The following ATXN2 variants were observed in gnomAD, a reference collection of about 807,000 sequenced individuals.
The protein encoded by ATXN2 is ataxin-2.
A neutral mutation model predicts 138.6 loss-of-function variants in ATXN2; 37 were observed. That is an observed-to-expected ratio of 0.27 (90% confidence interval 0.21 to 0.35). The LOEUF (loss-of-function observed/expected upper bound fraction) is 0.35, where lower values mean the gene tolerates loss of function less well. Ranked by LOEUF, ATXN2 falls within the 10% of genes least tolerant of loss-of-function variation. The probability of loss-of-function intolerance (pLI) is 1.00; values close to 1 mark genes in which losing one functional copy is unlikely to be tolerated. For missense variants in ATXN2, 1,216 were observed against 1,480.3 expected (o/e 0.82, Z 2.93); for synonymous variants, 549 against 543.7 (o/e 1.01, Z -0.13).
At chr12:111,508,327 A>G (rs1409902895) in intron 14 of ATXN2, among the ~76,000 whole-genome samples, 1 of 151,638 alleles carries the variant, frequency 6.6e-6, no homozygotes, top group Admixed American at 6.6e-5. Context: ...ACATAAGAGG[A>G]GTTTAACTGT....
At chr12:111,586,488 C>T (rs1249508694) in intron 1 of ATXN2, among the ~76,000 whole-genome samples, 1 of 150,404 alleles carries the variant, frequency 6.6e-6, no homozygotes, top group East Asian at 2.0e-4. Flanking sequence ...CGGGTTCAAG[C>T]AATTCTCCTG....
intron 14 of ATXN2, among the ~76,000 whole-genome samples, chr12:111,501,295 T>C (rs1011330708): frequency 2.6e-5 from 4 of 152,172 alleles, no homozygotes; most frequent in Non-Finnish European, 5.9e-5. Context: ...CTGAAGATGA[T>C]TTAAGATGGC....
At chr12:111,518,562 C>T in intron 8 of ATXN2, 135 bp from the exon 9 acceptor site, 1 of 847,370 alleles carries the variant, frequency 1.2e-6, no homozygotes, top group Non-Finnish European at 1.7e-6. Flanking sequence ...GCCTCACTCC[C>T]AGATGCCCCT....
chr12:111,527,685 G>C (rs572415436), intron 5 of ATXN2, among the ~76,000 whole-genome samples: 2 of 152,310 alleles, frequency 1.3e-5, no homozygotes, highest in East Asian at 3.9e-4. Flanking sequence ...CCCCAGAGCA[G>C]CAGGACTCAG....
chr12:111,453,687 C>A lies in ATXN2; in HGVS notation c.3429G>T (p.Thr1143=). 6.2e-7 allele frequency: 1 copy of A among 1,604,154 alleles called. No homozygotes were observed. The highest frequency in any genetic ancestry group is 8.5e-7 in the Non-Finnish European group (1 of 1,174,644). Residue 1143 remains threonine (T), a synonymous_variant, in exon 24 of 25, where the codon ACG becomes ACT. Coordinates refer to ENST00000673436, the MANE Select transcript of ATXN2 (RefSeq NM_001372574.1). This position sits in a 1 kb window ranked among gnomAD's most constrained non-coding sequence, Gnocchi z 5.4. ...VSTTAHFPYM[T]HPSVQAHHQQ... ...ACACACACGCCTCACCTGAAGGGTG[C>A]GTCATATAGGGGAAATGCGCTGTTG...
intron 1 of ATXN2, among the ~76,000 whole-genome samples, chr12:111,580,308 C>T (rs1404810602): frequency 6.6e-6 from 1 of 151,820 alleles, no homozygotes; most frequent in East Asian, 1.9e-4. Flanking sequence ...GAGCAAGATC[C>T]TATCTCCGAA....
intron 1 of ATXN2, among the ~76,000 whole-genome samples, chr12:111,577,656 C>A (rs956667854): frequency 6.6e-6 from 1 of 152,128 alleles, no homozygotes; most frequent in African/African-American, 2.4e-5. Context: ...TTTGACCAGG[C>A]GTGATGGCTC....
At chr12:111,528,325 C>G (rs1479689515) in intron 5 of ATXN2, among the ~76,000 whole-genome samples, 1 of 151,950 alleles carries the variant, frequency 6.6e-6, no homozygotes, top group African/African-American at 2.4e-5. Flanking sequence ...GTCTTCAAAC[C>G]AAAAGATCCC....
At chr12:111,533,169 T>C (rs1219735640) in intron 5 of ATXN2, among the ~76,000 whole-genome samples, 1 of 152,194 alleles carries the variant, frequency 6.6e-6, no homozygotes, top group Non-Finnish European at 1.5e-5. Context: ...GTGAAAGGGA[T>C]GTATGGAACA....
At chr12:111,570,222 G>A (rs977639675) in intron 1 of ATXN2, among the ~76,000 whole-genome samples, 2 of 151,896 alleles carry the variant, frequency 1.3e-5, no homozygotes, top group African/African-American at 2.4e-5. Flanking sequence ...CTCTCCCAAC[G>A]ATCTACCCGT....
In ATXN2 at chr12:111,552,384, C is replaced by A. The variant is rs779193515; in HGVS notation, c.467G>T (p.Ser156Ile). 3.1e-6 allele frequency: 5 copies of A among 1,613,844 alleles called. No individual in the cohort carries two copies. In the South Asian group the frequency reaches 4.4e-5, roughly 14 times the overall value. ...DAAHEKSTES[S>I]SGPKREEIME... The stretch of plus-strand genomic sequence containing the variant: ...TATTTCTTCACGTTTCGGCCCCGAA[C>A]TGGATTCTGTACTTTTCTCATGTGC... The change falls in exon 5 of 25, where the codon AGT becomes ATT. Residue 156 changes from serine to isoleucine, a missense_variant. By Grantham distance (142) the Ser-to-Ile change is moderately radical (BLOSUM62 -2). Around this residue, in one of 4 missense-constraint regions of ATXN2, gnomAD observed 401 missense variants for 528.1 expected, o/e 0.76. Coordinates refer to ENST00000673436, the MANE Select transcript of ATXN2 (RefSeq NM_001372574.1). The surrounding 1 kb of genome is among the most constrained non-coding windows in gnomAD (Gnocchi z 4.1).
At chr12:111,509,316 T>C (rs1879365760) in intron 14 of ATXN2, among the ~76,000 whole-genome samples, 1 of 152,166 alleles carries the variant, frequency 6.6e-6, no homozygotes, top group South Asian at 2.1e-4. Context: ...TATGGTGGTT[T>C]CAAATGTCAG....
Position 111,513,615 on chromosome 12 carries a change from T to TCA in ATXN2, c.1376-78_1376-77dup. The TCA allele has an allele frequency of 3.8e-6, 5 of 1,329,142 alleles. 1 individual carries two copies. In the South Asian group the frequency reaches 5.9e-5, roughly 16 times the overall value. The allele number at this position is 1,329,142 out of a possible 1,614,324, so 82.3% of individuals were successfully genotyped here. A position where few individuals can be genotyped will look rare whatever the true frequency, so the allele number is the denominator to read the frequency against. On this transcript the variant is annotated intron_variant, in intron 10 of 24. Coordinates refer to ENST00000673436, the MANE Select transcript of ATXN2 (RefSeq NM_001372574.1). ...CTACTTTTCTGCTAAATACACCCAT[T>TCA]CACACACACATGCACACACACTCAC...
At chr12:111,481,048 G>A (rs188514776) in intron 18 of ATXN2, among the ~76,000 whole-genome samples, 2 of 152,158 alleles carry the variant, frequency 1.3e-5, no homozygotes, top group Non-Finnish European at 2.9e-5. Context: ...GGTGGTTCGC[G>A]TCTAAAATCT....
intron 5 of ATXN2, among the ~76,000 whole-genome samples, chr12:111,526,575 T>G (rs1371360577): frequency 6.6e-6 from 1 of 151,786 alleles, no homozygotes; most frequent in African/African-American, 2.4e-5. Context: ...CAGCTAATGT[T>G]TGTATTTTTA....
At chr12:111,498,217 T>G (rs1001401924) in intron 14 of ATXN2, among the ~76,000 whole-genome samples, 1 of 152,100 alleles carries the variant, frequency 6.6e-6, no homozygotes, top group African/African-American at 2.4e-5. Context: ...GAAGTCCTAA[T>G]TGGAGCAATC....
chr12:111,530,559 A>G (rs1396802565), intron 5 of ATXN2, among the ~76,000 whole-genome samples: 1 of 152,240 alleles, frequency 6.6e-6, no homozygotes, highest in African/African-American at 2.4e-5. Context: ...TCACGCCTGT[A>G]ATCTCAGCAT....
chr12:111,460,973 TA>T (rs1486351064), intron 21 of ATXN2, among the ~76,000 whole-genome samples: 1 of 152,124 alleles, frequency 6.6e-6, no homozygotes, highest in African/African-American at 2.4e-5. Context: ...TTTCCCTACC[TA>T]AATACCGGTA....
intron 22 of ATXN2, among the ~76,000 whole-genome samples, chr12:111,456,797 G>A (rs1423476244): frequency 6.6e-6 from 1 of 151,778 alleles, no homozygotes; most frequent in African/African-American, 2.4e-5. Context: ...GTCCAAGCTG[G>A]AGTGCAGTGG....
Sources: allele counts gnomAD v4.1 joint callset (sites outside exome capture counted in the v4.1 genomes callset), GRCh38; gene constraint gnomAD v4.1.1; regional missense constraint gnomAD v4.1.1; non-coding constraint Gnocchi (gnomAD v3.1); transcripts MANE v1.5; gene names NCBI Gene and HGNC (gene_info 2026-07-23, HGNC 2026-07-21).